GPC3: variants seen among roughly 807,000 people sequenced by gnomAD.
The protein encoded by GPC3 is glypican-3.
In GPC3, 3 loss-of-function variants were observed where a neutral mutation model predicts 34.4. The observed-to-expected ratio is 0.09, with a 90% CI of 0.04 to 0.23. GPC3 has a LOEUF of 0.23. Among genes scored for constraint, GPC3 ranks in the 10% least tolerant of loss-of-function variants. The pLI is 1.00. For synonymous variants in GPC3, 177 were observed against 174.0 expected (o/e 1.02, Z -0.13); for missense variants, 351 against 445.6 (o/e 0.79, Z 1.91).
chrX:133,695,280 A>C (rs1339397515), intron 4 of GPC3, among the ~76,000 whole-genome samples: 2 of 112,208 alleles, frequency 1.8e-5, no homozygotes, highest in East Asian at 5.6e-4. Context: ...GGGGAATGAT[A>C]GCTAAAGGGT....
At chrX:133,768,784 CA>C (rs1245547325) in intron 2 of GPC3, among the ~76,000 whole-genome samples, 1 of 109,991 alleles carries the variant, frequency 9.1e-6, no homozygotes, top group Non-Finnish European at 1.9e-5. Flanking sequence ...ACTAAAAATA[CA>C]AAAAACTAGC....
chrX:133,768,061 C>G (rs1454093785), intron 2 of GPC3, among the ~76,000 whole-genome samples: 3 of 110,803 alleles, frequency 2.7e-5, no homozygotes, highest in African/African-American at 9.9e-5. Context: ...CTTAGTCTAG[C>G]TGGGCACGTT....
At chrX:133,698,373 T>A (rs1188079593) in intron 4 of GPC3, among the ~76,000 whole-genome samples, 1 of 112,414 alleles carries the variant, frequency 8.9e-6, no homozygotes, top group South Asian at 3.7e-4. Flanking sequence ...GTCCCACACA[T>A]AGACCACCAG....
At chrX:133,933,167 G>A (rs751722104) in intron 2 of GPC3, among the ~76,000 whole-genome samples, 4 of 111,087 alleles carry the variant, frequency 3.6e-5, no homozygotes, top group Non-Finnish European at 7.5e-5. Context: ...CCAACACTGA[G>A]TAAGGGGGCA....
At chrX:133,894,446 T>C (rs753444365) in intron 2 of GPC3, among the ~76,000 whole-genome samples, 43 of 112,159 alleles carry the variant, frequency 3.8e-4, no homozygotes, top group African/African-American at 1.4e-3. Flanking sequence ...TCTCTATATA[T>C]TAATATGGAA....
At chrX:133,693,193 GTGTGTGTGAGAC>G (rs2071082482) in intron 4 of GPC3, among the ~76,000 whole-genome samples, 1 of 107,336 alleles carries the variant, frequency 9.3e-6, no homozygotes, top group African/African-American at 3.5e-5. Flanking sequence ...GTGTGTGTGT[GTGTGTGTGAGAC>G]AGAGAGAGAG....
chrX:133,679,577 G>A (rs765789371), intron 5 of GPC3, among the ~76,000 whole-genome samples: 1 of 111,441 alleles, frequency 9.0e-6, no homozygotes, highest in Admixed American at 9.6e-5. Flanking sequence ...TGTATAGAGA[G>A]TTTACTCTAT....
chrX:133,883,742 C>T (rs1298300484), intron 2 of GPC3, among the ~76,000 whole-genome samples: 1 of 111,662 alleles, frequency 9.0e-6, no homozygotes, highest in African/African-American at 3.2e-5. Context: ...CAGTACTCTA[C>T]CCTTCTTTTA....
intron 4 of GPC3, among the ~76,000 whole-genome samples, chrX:133,695,575 G>T (rs1037368440): frequency 2.8e-4 from 31 of 111,660 alleles, no homozygotes; most frequent in Admixed American, 9.5e-5. Flanking sequence ...GAACAGCCAG[G>T]CTGGATGCAA....
At chrX:133,710,157 T>C (rs2071254353) in intron 3 of GPC3, among the ~76,000 whole-genome samples, 1 of 112,109 alleles carries the variant, frequency 8.9e-6, no homozygotes, top group African/African-American at 3.2e-5. Flanking sequence ...TACATGTTAG[T>C]TCTTGAAGTA....
intron 6 of GPC3, among the ~76,000 whole-genome samples, chrX:133,655,859 T>C (rs2070658147): frequency 8.9e-6 from 1 of 111,947 alleles, no homozygotes; most frequent in Non-Finnish European, 1.9e-5. Context: ...GAGTGCTCCT[T>C]TGGCACTTAA....
At chrX:133,971,540 C>G (rs2076493464) in intron 1 of GPC3, among the ~76,000 whole-genome samples, 1 of 111,380 alleles carries the variant, frequency 9.0e-6, no homozygotes, top group African/African-American at 3.3e-5. Flanking sequence ...CAGCTTAAAA[C>G]TAAAATGCAG....
chrX:133,661,939 G>C, intron 5 of GPC3, 89 bp from the exon 6 acceptor site: 5 of 1,073,709 alleles, frequency 4.7e-6, no homozygotes, highest in Non-Finnish European at 6.4e-6. Flanking sequence ...CAGTCAGACT[G>C]ACCACAAGCT....
chrX:133,558,024 C>T (rs754900636), intron 7 of GPC3, among the ~76,000 whole-genome samples: 28 of 110,977 alleles, frequency 2.5e-4, no homozygotes, highest in Admixed American at 1.2e-3. Context: ...TGCAGAAATC[C>T]GGTCGGACAG....
intron 6 of GPC3, among the ~76,000 whole-genome samples, chrX:133,601,197 T>G (rs1192688242): frequency 8.9e-6 from 1 of 111,881 alleles, no homozygotes; most frequent in Admixed American, 9.5e-5. Flanking sequence ...TCTTTTAGAA[T>G]CTAATATTTT....
chrX:133,643,334 C>T lies in GPC3; in HGVS notation c.1413+18396G>A, dbSNP rs971757732. ...CTGTTGCCTCCTCACAGAAGCTAGG[C>T]TGCTTCTGAGACAGCCAGTAGAGAT... On this transcript the variant is annotated intron_variant, in intron 6 of 7. Transcript: ENST00000370818. Among the ~76,000 whole-genome samples the T allele has an allele frequency of 2.7e-5, 3 of 111,784 alleles. No homozygotes were observed. The Admixed American group carries it at 2.8e-4, about 11-fold the overall frequency.
intron 3 of GPC3, among the ~76,000 whole-genome samples, chrX:133,737,935 GA>G (rs1403846399): frequency 1.8e-5 from 2 of 110,911 alleles, no homozygotes; most frequent in Non-Finnish European, 3.8e-5. Flanking sequence ...CATATGTCTG[GA>G]AAAAAAATCA....
intron 2 of GPC3, among the ~76,000 whole-genome samples, chrX:133,942,907 C>A (rs2076350945): frequency 9.0e-6 from 1 of 111,396 alleles, no homozygotes; most frequent in Admixed American, 9.6e-5. Context: ...AAAAATTATT[C>A]TTTTAAATCA....
At chrX:133,806,078 C>T (rs1165500719) in intron 2 of GPC3, among the ~76,000 whole-genome samples, 1 of 111,967 alleles carries the variant, frequency 8.9e-6, no homozygotes, top group African/African-American at 3.2e-5. Flanking sequence ...TACTTCATGC[C>T]ATTGAAGAGC....
Sources: gnomAD v4.1 joint callset for allele counts (sites outside exome capture counted in the v4.1 genomes callset) on GRCh38, gnomAD v4.1.1 for gene constraint, MANE v1.5 for transcripts, NCBI Gene and HGNC (gene_info 2026-07-23, HGNC 2026-07-21) for gene names.